Variants in MOB3B observed in about 807,000 individuals in gnomAD.
MOB3B encodes MOB kinase activator-like 2B.
MOB3B carries 7 observed loss-of-function variants against 18.7 expected under a neutral mutation model. That is an observed-to-expected ratio of 0.37 (90% CI 0.21 to 0.70). MOB3B has a LOEUF of 0.70. MOB3B is among the 30% of genes least tolerant of loss of function. MOB3B has a pLI of 0.52. For synonymous variants in MOB3B, 111 were observed against 99.9 expected, an observed-to-expected ratio of 1.11 and a Z score of -0.66; for missense variants, 253 against 281.3, an observed-to-expected ratio of 0.90 and a Z score of 0.72.
chr9:27,510,007 G>T (rs1357007687), intron 1 of MOB3B, among the ~76,000 whole-genome samples: 2 of 152,236 alleles, frequency 1.3e-5, no homozygotes, highest in African/African-American at 4.8e-5. Context: ...TTATAGGCAT[G>T]AGCCACTGCA....
chr9:27,408,297 G>A (rs377576855), intron 2 of MOB3B, among the ~76,000 whole-genome samples: 1 of 152,168 alleles, frequency 6.6e-6, no homozygotes, highest in South Asian at 2.1e-4. Flanking sequence ...GAAATTGGGA[G>A]TGAAAGTAAA....
intron 1 of MOB3B, among the ~76,000 whole-genome samples, chr9:27,485,769 T>C (rs1305242513): frequency 1.3e-5 from 2 of 152,236 alleles, no homozygotes; most frequent in Non-Finnish European, 2.9e-5. Context: ...GTTAAAGGCA[T>C]TGAGATTATA....
chr9:27,501,205 G>A (rs1437348834), intron 1 of MOB3B, among the ~76,000 whole-genome samples: 1 of 152,174 alleles, frequency 6.6e-6, no homozygotes, highest in African/African-American at 2.4e-5. Context: ...ATTCCTCAAG[G>A]ATCTAGAGCT....
At chr9:27,405,920 A>G (rs1821961514) in intron 2 of MOB3B, among the ~76,000 whole-genome samples, 1 of 152,238 alleles carries the variant, frequency 6.6e-6, no homozygotes, top group Non-Finnish European at 1.5e-5. Flanking sequence ...TAGAAGGAAC[A>G]TACCTCAACA....
At chr9:27,471,324 GA>G (rs1220853253) in intron 1 of MOB3B, among the ~76,000 whole-genome samples, 1 of 152,194 alleles carries the variant, frequency 6.6e-6, no homozygotes, top group Non-Finnish European at 1.5e-5. Flanking sequence ...AAGAATGGCA[GA>G]AAAAGTCCTT....
At chr9:27,389,459 C>T (rs959938364) in intron 2 of MOB3B, among the ~76,000 whole-genome samples, 4 of 152,152 alleles carry the variant, frequency 2.6e-5, no homozygotes, top group African/African-American at 7.2e-5. Flanking sequence ...TCCTGGCATG[C>T]GCTGTTCTCA....
At chr9:27,467,407 C>G (rs1819401742) in intron 1 of MOB3B, among the ~76,000 whole-genome samples, 1 of 152,194 alleles carries the variant, frequency 6.6e-6, no homozygotes, top group Non-Finnish European at 1.5e-5. Flanking sequence ...ATTTATTAAT[C>G]TGGATTTCTC....
chr9:27,451,974 A>G (rs985723912), intron 2 of MOB3B, among the ~76,000 whole-genome samples: 5 of 152,162 alleles, frequency 3.3e-5, no homozygotes, highest in Admixed American at 6.5e-5. Context: ...GAGGTTGAAG[A>G]CTCTCATAGT....
chr9:27,447,006 AT>A lies in MOB3B; in HGVS notation c.418+8126del, dbSNP rs35871333. Among the ~76,000 whole-genome samples the A allele has an allele frequency of 3.9e-4, 59 of 150,978 alleles. No homozygotes were observed. In the Middle Eastern group the frequency reaches 0.01, roughly 26 times the overall value. ...TCACTAGAATAGGAAATTAGCATGA[AT>A]TTTTTTTTTAAGATATAACACCCAA... On this transcript the variant is annotated intron_variant, in intron 2 of 3. Coordinates refer to ENST00000262244, the MANE Select transcript of MOB3B (RefSeq NM_024761.5).
chr9:27,351,030 G>A lies in MOB3B; in HGVS notation c.621+8004C>T, dbSNP rs568118745. Among the ~76,000 whole-genome samples, 40 of 152,062 alleles carry A rather than the reference G, an allele frequency of 2.6e-4. 1 individual carries two copies. The highest frequency in any genetic ancestry group is 8.3e-4 in the South Asian group (4 of 4,816). ...CAATTCTCCTGCCTCAGCCTCCTGA[G>A]TAGCTGGGATTATGGGCACCTGACA... On this transcript the variant is annotated intron_variant, in intron 3 of 3. Transcript: ENST00000262244.
chr9:27,461,966 CAG>C lies in MOB3B; in HGVS notation c.-198-6220_-198-6219del, dbSNP rs568259146. On this transcript the variant is annotated intron_variant, in intron 1 of 3. Coordinates refer to ENST00000262244, the MANE Select transcript of MOB3B (RefSeq NM_024761.5). Reference sequence around the variant, plus strand: ...TACTGACAGTCCATGGAACAAAAGACAGAGTTTTAAAAAATGTTTTCTGAAAT... The same window carrying C: ...TACTGACAGTCCATGGAACAAAAGACAGTTTTAAAAAATGTTTTCTGAAAT... 3.0e-3 allele frequency among the ~76,000 whole-genome samples: 463 copies of C among 152,264 alleles called. 5 individuals carry two copies. Among genetic ancestry groups the C allele is most frequent in the African/African-American group, 0.011 (449 of 41,540 alleles).
chr9:27,458,517 GTTTT>G (rs34061911), intron 1 of MOB3B, among the ~76,000 whole-genome samples: 2 of 128,220 alleles, frequency 1.6e-5, no homozygotes, highest in Non-Finnish European at 3.2e-5. Context: ...TTGAAGATAT[GTTTT>G]TTTTTTTTTT....
intron 2 of MOB3B, among the ~76,000 whole-genome samples, chr9:27,390,659 T>C (rs1357622228): frequency 2.0e-5 from 3 of 152,160 alleles, no homozygotes; most frequent in African/African-American, 7.2e-5. Flanking sequence ...AATATATGTA[T>C]TGGAGTTCAG....
chr9:27,462,440 A>G (rs1819307782), intron 1 of MOB3B, among the ~76,000 whole-genome samples: 1 of 152,230 alleles, frequency 6.6e-6, no homozygotes, highest in Admixed American at 6.5e-5. Flanking sequence ...AAATTAAGGC[A>G]GGTAAAAAAT....
intron 1 of MOB3B, among the ~76,000 whole-genome samples, chr9:27,475,755 A>C (rs571415978): frequency 6.6e-6 from 1 of 152,294 alleles, no homozygotes; most frequent in African/African-American, 2.4e-5. Flanking sequence ...GCTCTGTCTA[A>C]TCAATTTGAA....
At position 27,425,974 on chromosome 9, in the gene MOB3B, T is replaced by C. The variant is rs10967934; in HGVS notation, c.418+29159A>G. Among the ~76,000 whole-genome samples, 158 of 152,300 alleles carry C rather than the reference T, an allele frequency of 1.0e-3. 2 individuals are homozygous for C. The East Asian group carries it at 0.025, about 24-fold the overall frequency. ...TAGACGTTAGACGAAATAGCCCTGATTCACCCAGCAGAAGGAGGAGGGTGC... is the reference window on the plus strand; with the variant it reads ...TAGACGTTAGACGAAATAGCCCTGACTCACCCAGCAGAAGGAGGAGGGTGC... On this transcript the variant is annotated intron_variant, in intron 2 of 3. Transcript: ENST00000262244.
At chr9:27,436,435 G>A (rs535621337) in intron 2 of MOB3B, among the ~76,000 whole-genome samples, 398 of 152,276 alleles carry the variant, frequency 2.6e-3, no homozygotes, top group African/African-American at 9.1e-3. Context: ...ATGAGGACAA[G>A]GTCATGCACG....
At chr9:27,409,213 A>G (rs1034065418) in intron 2 of MOB3B, among the ~76,000 whole-genome samples, 23 of 152,210 alleles carry the variant, frequency 1.5e-4, no homozygotes, top group African/African-American at 5.1e-4. Context: ...GATCAGGGAT[A>G]TGTTGGTGCA....
chr9:27,414,875 A>AT (rs1822122266), intron 2 of MOB3B, among the ~76,000 whole-genome samples: 1 of 151,866 alleles, frequency 6.6e-6, no homozygotes, highest in Admixed American at 6.6e-5. Flanking sequence ...TTTATTTTTT[A>AT]ATTTTTTTTT....
Sources: gnomAD v4.1 joint callset for allele counts (sites outside exome capture counted in the v4.1 genomes callset) on GRCh38, gnomAD v4.1.1 for gene constraint, MANE v1.5 for transcripts, NCBI Gene and HGNC (gene_info 2026-07-23, HGNC 2026-07-21) for gene names.